The following GRIK4 variants were observed in gnomAD, a reference collection of about 807,000 sequenced individuals.
GRIK4 encodes glutamate receptor ionotropic, kainate 4.
GRIK4 carries 40 observed loss-of-function variants against 104.9 expected under a neutral mutation model. The observed-to-expected ratio is 0.38, with a 90% CI of 0.30 to 0.50. GRIK4 has a LOEUF of 0.50. Among genes scored for constraint, GRIK4 ranks in the 20% least tolerant of loss-of-function variants. The pLI is 0.93. For missense variants in GRIK4, 1,047 were observed against 1,308.1 expected, an observed-to-expected ratio of 0.80 and a Z score of 3.08; for synonymous variants, 485 against 524.9, an observed-to-expected ratio of 0.92 and a Z score of 1.04.
At chr11:120,832,646 C>T (rs1953459078) in intron 7 of GRIK4, among the ~76,000 whole-genome samples, 1 of 152,162 alleles carries the variant, frequency 6.6e-6, no homozygotes, top group Non-Finnish European at 1.5e-5. Context: ...CTGCACAACC[C>T]TCTCTTATCT....
intron 1 of GRIK4, among the ~76,000 whole-genome samples, chr11:120,598,158 A>C (rs1170651352): frequency 6.6e-6 from 1 of 152,084 alleles, no homozygotes; most frequent in Non-Finnish European, 1.5e-5. Flanking sequence ...AGATGCCTTG[A>C]CCATCGAATT....
At chr11:120,514,684 C>T (rs1947703446) in intron 1 of GRIK4, among the ~76,000 whole-genome samples, 1 of 152,150 alleles carries the variant, frequency 6.6e-6, no homozygotes, top group Non-Finnish European at 1.5e-5. Context: ...AACCAACCAC[C>T]CCCTACCCCA....
intron 1 of GRIK4, among the ~76,000 whole-genome samples, chr11:120,644,108 ATGTG>A (rs1191773925): frequency 6.6e-5 from 9 of 135,712 alleles, no homozygotes; most frequent in Non-Finnish European, 3.2e-5. Flanking sequence ...GATTCTGTGT[ATGTG>A]TGTACAGTTC....
At chr11:120,690,630 A>C (rs1390946926) in intron 3 of GRIK4, among the ~76,000 whole-genome samples, 1 of 152,250 alleles carries the variant, frequency 6.6e-6, no homozygotes, top group Non-Finnish European at 1.5e-5. Flanking sequence ...CACCTGAGCA[A>C]CCAAGATGGG....
chr11:120,847,219 G>A (rs187221709), intron 8 of GRIK4, among the ~76,000 whole-genome samples: 2 of 152,048 alleles, frequency 1.3e-5, no homozygotes, highest in Non-Finnish European at 2.9e-5. Context: ...TGAGTCAGGA[G>A]TAGAGAGAGG....
chr11:120,757,552 T>G (rs1368635089), intron 3 of GRIK4, among the ~76,000 whole-genome samples: 4 of 152,186 alleles, frequency 2.6e-5, no homozygotes, highest in Non-Finnish European at 5.9e-5. Flanking sequence ...TCTGTCCACC[T>G]CCACAGCTGT....
At chr11:120,701,223 G>T (rs1950546987) in intron 3 of GRIK4, among the ~76,000 whole-genome samples, 1 of 152,160 alleles carries the variant, frequency 6.6e-6, no homozygotes, top group East Asian at 1.9e-4. Flanking sequence ...CTCTAAACTT[G>T]TTCTTCCTAT....
At position 120,987,230 on chromosome 11, in the gene GRIK4, T is replaced by C. The variant is rs188518696; in HGVS notation, c.*970T>C. On this transcript the variant is annotated 3_prime_UTR_variant, in exon 21 of 21. Coordinates refer to ENST00000527524, the MANE Select transcript of GRIK4 (RefSeq NM_014619.5). Reference sequence around the variant, plus strand: ...TTGTTTAAGGAGCGGAAAGAGCAGATAGAATTTTCCCATACCATGGCCTTG... The same window carrying C: ...TTGTTTAAGGAGCGGAAAGAGCAGACAGAATTTTCCCATACCATGGCCTTG... The C allele has an allele frequency of 5.3e-5, 8 of 152,376 alleles. No individual in the cohort carries two copies. The East Asian group carries it at 1.5e-3, about 29-fold the overall frequency. The allele number at this position is 152,376 out of a possible 1,614,324, so 9.4% of individuals were successfully genotyped here.
At chr11:120,649,118 A>G (rs1288893516) in intron 1 of GRIK4, among the ~76,000 whole-genome samples, 2 of 152,116 alleles carry the variant, frequency 1.3e-5, no homozygotes, top group African/African-American at 4.8e-5. Context: ...CTGAGCTTGG[A>G]TGACTCTAGT....
At chr11:120,943,205 C>T (rs147584140) in intron 14 of GRIK4, among the ~76,000 whole-genome samples, 221 of 151,802 alleles carry the variant, frequency 1.5e-3, no homozygotes, top group Non-Finnish European at 2.2e-3. Flanking sequence ...CACACTGAAG[C>T]GCCAGGATGC....
At chr11:120,890,089 G>A (rs767409402) in intron 11 of GRIK4, among the ~76,000 whole-genome samples, 62 of 152,242 alleles carry the variant, frequency 4.1e-4, no homozygotes, top group Non-Finnish European at 5.7e-4. Context: ...CTGGCCGGCT[G>A]CATTCCCACC....
At chr11:120,730,021 G>C (rs1390142967) in intron 3 of GRIK4, among the ~76,000 whole-genome samples, 1 of 152,124 alleles carries the variant, frequency 6.6e-6, no homozygotes, top group African/African-American at 2.4e-5. Flanking sequence ...TGAAGAGACT[G>C]TCTTTTCCCC....
intron 1 of GRIK4, among the ~76,000 whole-genome samples, chr11:120,577,186 G>T (rs2135085497): frequency 6.6e-6 from 1 of 152,330 alleles, no homozygotes; most frequent in Non-Finnish European, 1.5e-5. Flanking sequence ...TCACCTTGGT[G>T]CATATGTGGA....
chr11:120,847,206 C>T (rs941758830), intron 8 of GRIK4, among the ~76,000 whole-genome samples: 1 of 152,174 alleles, frequency 6.6e-6, no homozygotes, highest in Non-Finnish European at 1.5e-5. Context: ...CAGGCTCTCA[C>T]AGTGAGTCAG....
chr11:120,592,344 G>A (rs529692785), intron 1 of GRIK4, among the ~76,000 whole-genome samples: 7 of 152,290 alleles, frequency 4.6e-5, no homozygotes, highest in African/African-American at 7.2e-5. Flanking sequence ...ACGCCTCTTC[G>A]GAGATGGCCG....
At chr11:120,861,093 C>CTTTTTTTTTTTTTTTT (rs547199127) in intron 8 of GRIK4, among the ~76,000 whole-genome samples, 1 of 86,570 alleles carries the variant, frequency 1.2e-5, no homozygotes, top group African/African-American at 4.4e-5. Flanking sequence ...AAATCATCCT[C>CTTTTTTTTTTTTTTTT]TTTTTTTTTT....
intron 1 of GRIK4, among the ~76,000 whole-genome samples, chr11:120,547,455 G>C (rs1298905175): frequency 1.3e-5 from 2 of 152,166 alleles, no homozygotes; most frequent in African/African-American, 4.8e-5. Context: ...GGTCGGCGGT[G>C]ACCACATGCT....
intron 1 of GRIK4, among the ~76,000 whole-genome samples, chr11:120,556,258 A>G (rs1163517181): frequency 6.6e-6 from 1 of 151,942 alleles, no homozygotes; most frequent in Admixed American, 6.6e-5. Context: ...TTTGTCTCAT[A>G]CCCCATTTCC....
rs115171604 is a variant in GRIK4 at position 120,835,045 on chromosome 11, A to T, written c.691-1746A>T. Among the ~76,000 whole-genome samples the T allele has an allele frequency of 5.9e-3, 894 of 152,298 alleles. 12 individuals are homozygous for T. Among genetic ancestry groups the T allele is most frequent in the African/African-American group, 0.02 (848 of 41,568 alleles). The stretch of plus-strand genomic sequence containing the variant: ...GTCATCTTGCCACATCATCCTCTTG[A>T]AAGTGAAGGAGGAAATATAGCTTGG... On this transcript the variant is annotated intron_variant, in intron 7 of 20. Transcript: ENST00000527524.
Sources: gnomAD v4.1 joint callset for allele counts (sites outside exome capture counted in the v4.1 genomes callset) on GRCh38, gnomAD v4.1.1 for gene constraint, MANE v1.5 for transcripts, NCBI Gene and HGNC (gene_info 2026-07-23, HGNC 2026-07-21) for gene names.